Variants in GPC3 observed in about 807,000 individuals in gnomAD.
GPC3 encodes the protein glypican 3.
Under a neutral mutation model 34.4 loss-of-function variants are expected in GPC3, and 3 were observed. That is an observed-to-expected ratio of 0.09 (90% CI 0.04 to 0.23). The LOEUF is 0.23. Ranked by LOEUF, GPC3 falls within the 10% of genes least tolerant of loss-of-function variation. The probability of loss-of-function intolerance (pLI) is 1.00; values close to 1 mark genes in which losing one functional copy is unlikely to be tolerated. For missense variants in GPC3, 351 were observed against 445.6 expected (o/e 0.79, Z 1.91); for synonymous variants, 177 against 174.0 (o/e 1.02, Z -0.13).
intron 2 of GPC3, among the ~76,000 whole-genome samples, chrX:133,845,326 A>C (rs771960873): frequency 8.9e-6 from 1 of 111,976 alleles, no homozygotes; most frequent in East Asian, 2.8e-4. Flanking sequence ...TTGAGGTAAC[A>C]ATGTGGCTGG....
intron 6 of GPC3, among the ~76,000 whole-genome samples, chrX:133,655,506 C>CACA (rs2070652196): frequency 3.2e-5 from 3 of 94,716 alleles, no homozygotes; most frequent in East Asian, 3.2e-4. Context: ...ACACACACAC[C>CACA]CACACACACA....
intron 7 of GPC3, among the ~76,000 whole-genome samples, chrX:133,555,077 G>A (rs1449891769): frequency 2.7e-5 from 3 of 111,860 alleles, no homozygotes; most frequent in East Asian, 5.6e-4. Context: ...TTGAGAAAGA[G>A]TCTTACTCTA....
intron 2 of GPC3, among the ~76,000 whole-genome samples, chrX:133,819,805 G>A (rs1220152910): frequency 9.0e-6 from 1 of 111,678 alleles, no homozygotes; most frequent in Non-Finnish European, 1.9e-5. Flanking sequence ...CAACAATCCT[G>A]TGAGTTTGTT....
intron 3 of GPC3, among the ~76,000 whole-genome samples, chrX:133,741,733 G>A (rs1035749823): frequency 3.5e-5 from 4 of 112,878 alleles, no homozygotes; most frequent in Admixed American, 9.3e-5. Flanking sequence ...GCTGATCCAT[G>A]TAAAGAGCTT....
At chrX:133,982,653 C>G (rs747279034) in intron 1 of GPC3, among the ~76,000 whole-genome samples, 62 of 111,981 alleles carry the variant, frequency 5.5e-4, no homozygotes, top group Non-Finnish European at 9.9e-4. Flanking sequence ...CCCAAATGCT[C>G]CCCCTAAGTG....
chrX:133,537,749 A>T (rs1460976906), intron 7 of GPC3, among the ~76,000 whole-genome samples: 1 of 112,022 alleles, frequency 8.9e-6, no homozygotes, highest in East Asian at 2.8e-4. Flanking sequence ...CAGGGATTTG[A>T]TTACTAGTGC....
At chrX:133,625,041 A>G (rs1326436770) in intron 6 of GPC3, among the ~76,000 whole-genome samples, 3 of 112,077 alleles carry the variant, frequency 2.7e-5, no homozygotes, top group Non-Finnish European at 3.8e-5. Context: ...AATCCATCAT[A>G]TAAACAGAAA....
At chrX:133,540,953 TGTGC>T (rs1341417238) in intron 7 of GPC3, among the ~76,000 whole-genome samples, 1 of 101,211 alleles carries the variant, frequency 9.9e-6, no homozygotes, top group African/African-American at 3.7e-5. Flanking sequence ...TGTGTGTGTG[TGTGC>T]GCGCACTGTG....
intron 6 of GPC3, among the ~76,000 whole-genome samples, chrX:133,608,243 C>A (rs1429113446): frequency 8.9e-6 from 1 of 112,837 alleles, no homozygotes; most frequent in African/African-American, 3.2e-5. Context: ...GCCTTGCTAC[C>A]CGCTTTGTGG....
chrX:133,809,239 T>C (rs749225053), intron 2 of GPC3, among the ~76,000 whole-genome samples: 3 of 112,320 alleles, frequency 2.7e-5, no homozygotes, highest in Non-Finnish European at 5.6e-5. Context: ...ATGCCTCCTT[T>C]CTAGGAAGTT....
intron 1 of GPC3, among the ~76,000 whole-genome samples, chrX:133,973,998 A>C (rs1265034568): frequency 1.8e-5 from 2 of 112,284 alleles, no homozygotes; most frequent in Non-Finnish European, 3.8e-5. Context: ...GTGAAAGATC[A>C]CCTACTGCTA....
At chrX:133,657,579 C>T (rs992352628) in intron 6 of GPC3, among the ~76,000 whole-genome samples, 9 of 111,259 alleles carry the variant, frequency 8.1e-5, no homozygotes, top group Admixed American at 5.7e-4. Context: ...CATTTCTGAT[C>T]GTGGGAATGT....
chrX:133,655,501 CA>C (rs1569406949), intron 6 of GPC3, among the ~76,000 whole-genome samples: 22 of 107,241 alleles, frequency 2.1e-4, no homozygotes, highest in African/African-American at 7.2e-4. Context: ...CACACACACA[CA>C]CACCCACACA....
chrX:133,630,731 G>A (rs2070357024), intron 6 of GPC3, among the ~76,000 whole-genome samples: 1 of 111,621 alleles, frequency 9.0e-6, no homozygotes, highest in Non-Finnish European at 1.9e-5. Flanking sequence ...TTCCTTCTTA[G>A]GTATTTACAA....
intron 6 of GPC3, among the ~76,000 whole-genome samples, chrX:133,655,328 A>T (rs1273215441): frequency 9.0e-6 from 1 of 111,385 alleles, no homozygotes; most frequent in Non-Finnish European, 1.9e-5. Flanking sequence ...TATATCAGAG[A>T]ATTCCCTTTT....
chrX:133,803,334 T>A (rs1206738127), intron 2 of GPC3, among the ~76,000 whole-genome samples: 1 of 112,636 alleles, frequency 8.9e-6, no homozygotes, highest in African/African-American at 3.2e-5. Flanking sequence ...TTTAATTCCA[T>A]AACCAGGAAT....
At chrX:133,692,582 G>T in intron 4 of GPC3, 88 bp from the exon 5 acceptor site, 1 of 786,455 alleles carries the variant, frequency 1.3e-6, no homozygotes. Context: ...TGACAGAAAG[G>T]CTCTGCCAGG....
chrX:133,930,433 T>A (rs963314096), intron 2 of GPC3, among the ~76,000 whole-genome samples: 5 of 112,101 alleles, frequency 4.5e-5, no homozygotes, highest in African/African-American at 1.6e-4. Context: ...TCACTTCTCA[T>A]CTCTCTATCC....
At chrX:133,716,617 T>A (rs1293163961) in intron 3 of GPC3, among the ~76,000 whole-genome samples, 3 of 111,903 alleles carry the variant, frequency 2.7e-5, no homozygotes, top group Admixed American at 1.9e-4. Context: ...TCAATTTAAA[T>A]TTTCCTATCT....
Sources: gnomAD v4.1 joint callset for allele counts (sites outside exome capture counted in the v4.1 genomes callset) on GRCh38, gnomAD v4.1.1 for gene constraint, MANE v1.5 for transcripts, NCBI Gene and HGNC (gene_info 2026-07-23, HGNC 2026-07-21) for gene names.